The following AGXT2 variants were observed in gnomAD, a reference collection of about 807,000 sequenced individuals.
AGXT2 encodes the protein alanine--glyoxylate aminotransferase 2, also known as alanine--glyoxylate aminotransferase 2, mitochondrial.
A neutral mutation model predicts 62.5 loss-of-function variants in AGXT2; 61 were observed. That is an observed-to-expected ratio of 0.98 (90% CI 0.79 to 1.21). AGXT2 has a LOEUF of 1.21. Among genes scored for constraint, AGXT2 ranks in the 50% most tolerant of loss-of-function variants. AGXT2 has a pLI of 0.00. For synonymous variants in AGXT2, 243 were observed against 218.7 expected, an observed-to-expected ratio of 1.11 and a Z score of -0.98; for missense variants, 666 against 641.5, an observed-to-expected ratio of 1.04 and a Z score of -0.41.
intron 9 of AGXT2, among the ~76,000 whole-genome samples, chr5:35,015,041 G>A (rs924753418): frequency 2.0e-5 from 3 of 152,158 alleles, no homozygotes; most frequent in Non-Finnish European, 1.5e-5. Context: ...GTTTTTTTGT[G>A]CATGCTGTTC....
intron 9 of AGXT2, among the ~76,000 whole-genome samples, chr5:35,014,965 G>A (rs991679783): frequency 6.6e-6 from 1 of 152,282 alleles, no homozygotes; most frequent in South Asian, 2.1e-4. Flanking sequence ...ACCCAGACGA[G>A]GCAGTTAACT....
At chr5:35,047,751 T>G in intron 1 of AGXT2, 54 bp downstream of exon 1, 3 of 1,602,058 alleles carry the variant, frequency 1.9e-6, no homozygotes, top group East Asian at 4.5e-5. Context: ...GGAGCTCAAG[T>G]CTTACCCTCT....
intron 3 of AGXT2, 114 bp downstream of exon 3, chr5:35,039,210 T>A (rs929409443): frequency 1.6e-6 from 2 of 1,243,146 alleles, no homozygotes; most frequent in Non-Finnish European, 2.4e-6. Flanking sequence ...AGCCACAATC[T>A]GTCATAGATA....
chr5:35,042,384 G>A (rs1490771402), intron 1 of AGXT2, among the ~76,000 whole-genome samples: 2 of 151,808 alleles, frequency 1.3e-5, no homozygotes, highest in South Asian at 2.1e-4. Flanking sequence ...GAAAGAGGAA[G>A]GAAGAAATAG....
In AGXT2 at chr5:34,998,690, A is replaced by G; in HGVS notation, c.*29T>C. On this transcript the variant is annotated 3_prime_UTR_variant, in exon 14 of 14. Coordinates refer to ENST00000231420, the MANE Select transcript of AGXT2 (RefSeq NM_031900.4). ...TGAACATACGTGGCAAATTCTTGAG[A>G]CTTGTGGTTTTATTTATTTCTGACA... The G allele has an allele frequency of 6.3e-7, 1 of 1,575,532 alleles. No homozygotes were observed. Among genetic ancestry groups the G allele is most frequent in the Non-Finnish European group, 8.7e-7 (1 of 1,146,284 alleles).
intron 11 of AGXT2, chr5:35,012,719 C>A: frequency 7.9e-6 from 4 of 507,080 alleles, no homozygotes; most frequent in South Asian, 4.9e-5. Flanking sequence ...CTTATATTTC[C>A]CATGTATGTG....
chr5:35,020,663 T>C (rs903173485), intron 9 of AGXT2, among the ~76,000 whole-genome samples: 11 of 152,144 alleles, frequency 7.2e-5, no homozygotes, highest in Admixed American at 1.3e-4. Context: ...AAAACTGGCA[T>C]AAGACAGGGA....
chr5:35,004,436 T>G (rs1766346799), intron 12 of AGXT2, among the ~76,000 whole-genome samples: 1 of 152,104 alleles, frequency 6.6e-6, no homozygotes, highest in African/African-American at 2.4e-5. Context: ...AGGTAAGTGC[T>G]CCAGGAGCCG....
chr5:35,029,523 C>G (rs996370087), intron 7 of AGXT2, among the ~76,000 whole-genome samples: 2 of 152,176 alleles, frequency 1.3e-5, no homozygotes, highest in Non-Finnish European at 2.9e-5. Context: ...CTAGGTTAGG[C>G]CACTTCTGCA....
intron 9 of AGXT2, among the ~76,000 whole-genome samples, chr5:35,023,341 A>G (rs1767191685): frequency 6.6e-6 from 1 of 152,184 alleles, no homozygotes; most frequent in Non-Finnish European, 1.5e-5. Context: ...ACACATGCAA[A>G]GTGTTATGAA....
intron 9 of AGXT2, among the ~76,000 whole-genome samples, chr5:35,017,571 G>A (rs1368464560): frequency 6.6e-6 from 1 of 152,158 alleles, no homozygotes; most frequent in African/African-American, 2.4e-5. Context: ...TGTGCCTTCT[G>A]CATTCCGCCA....
At position 35,015,931 on chromosome 5, in the gene AGXT2, G is replaced by A. The variant is rs74212024; in HGVS notation, c.964-1812C>T. ...TTTCAAGGACAGATTCCAGGGGTTA[G>A]AATTAGATGATAGTGACCAGTGTAG... On this transcript the variant is annotated intron_variant, in intron 9 of 13. Coordinates refer to ENST00000231420, the MANE Select transcript of AGXT2 (RefSeq NM_031900.4). Among the ~76,000 whole-genome samples the A allele has an allele frequency of 7.3e-5, 11 of 150,206 alleles. No homozygotes were observed. The East Asian group carries it at 2.2e-3, about 30-fold the overall frequency.
intron 1 of AGXT2, among the ~76,000 whole-genome samples, chr5:35,046,968 C>G (rs1248847966): frequency 6.6e-6 from 1 of 152,150 alleles, no homozygotes; most frequent in African/African-American, 2.4e-5. Flanking sequence ...CCCCACATCT[C>G]CTCATATTTT....
intron 7 of AGXT2, among the ~76,000 whole-genome samples, chr5:35,029,669 A>G (rs1368350272): frequency 1.3e-5 from 2 of 152,238 alleles, no homozygotes; most frequent in Non-Finnish European, 2.9e-5. Context: ...GCCAAGAAAG[A>G]ACTACAATTT....
intron 12 of AGXT2, among the ~76,000 whole-genome samples, chr5:35,007,116 C>T (rs574365601): frequency 1.3e-5 from 2 of 152,228 alleles, no homozygotes; most frequent in African/African-American, 4.8e-5. Context: ...GTGGAACCCT[C>T]ATGAATGAGA....
At chr5:35,045,036 A>G (rs1768132370) in intron 1 of AGXT2, among the ~76,000 whole-genome samples, 1 of 152,160 alleles carries the variant, frequency 6.6e-6, no homozygotes, top group African/African-American at 2.4e-5. Context: ...GGGAGCACAT[A>G]CCCCAGCCAC....
At chr5:35,016,183 C>T (rs370626870) in intron 9 of AGXT2, among the ~76,000 whole-genome samples, 10 of 152,174 alleles carry the variant, frequency 6.6e-5, no homozygotes, top group South Asian at 2.1e-4. Flanking sequence ...AAATACCATA[C>T]ATAAATGGCA....
At position 35,014,142 on chromosome 5, in the gene AGXT2, A is replaced by G. The variant is rs1452346843; in HGVS notation, c.964-23T>C. The G allele has an allele frequency of 2.5e-6, 4 of 1,613,764 alleles. No homozygotes were observed. The Middle Eastern group carries it at 4.9e-4, about 199-fold the overall frequency. ...CACCTGGGAAAACAAGTTCAAAACCATTGGAAACCCTTCAAGAAATGCTGT... is the reference window on the plus strand; with the variant it reads ...CACCTGGGAAAACAAGTTCAAAACCGTTGGAAACCCTTCAAGAAATGCTGT... On this transcript the variant is annotated intron_variant, in intron 9 of 13. Transcript: ENST00000231420.
intron 9 of AGXT2, among the ~76,000 whole-genome samples, chr5:35,020,039 T>C (rs1767006838): frequency 6.6e-6 from 1 of 152,204 alleles, no homozygotes; most frequent in African/African-American, 2.4e-5. Flanking sequence ...ATTGAATCTC[T>C]GAATAGACCA....
Sources: gnomAD v4.1 joint callset for allele counts (sites outside exome capture counted in the v4.1 genomes callset) on GRCh38, gnomAD v4.1.1 for gene constraint, MANE v1.5 for transcripts, NCBI Gene and HGNC (gene_info 2026-07-23, HGNC 2026-07-21) for gene names.